The following ZNF365 variants were observed in gnomAD, a reference collection of about 807,000 sequenced individuals.
ZNF365 encodes protein ZNF365.
ZNF365 carries 22 observed loss-of-function variants against 35.0 expected under a neutral mutation model. The observed-to-expected ratio is 0.63, with a 90% CI of 0.45 to 0.90. ZNF365 has a LOEUF of 0.90. Ranked by LOEUF, ZNF365 falls within the 40% of genes least tolerant of loss-of-function variation. The pLI is 0.00. For missense variants in ZNF365, 448 were observed against 500.3 expected, an observed-to-expected ratio of 0.90 and a Z score of 1.00; for synonymous variants, 188 against 196.2, an observed-to-expected ratio of 0.96 and a Z score of 0.35.
At chr10:62,397,067 G>A (rs751069657) in intron 3 of ZNF365, among the ~76,000 whole-genome samples, 5 of 152,342 alleles carry the variant, frequency 3.3e-5, no homozygotes, top group South Asian at 2.1e-4. Context: ...CCAGCCTGGC[G>A]TTTGCCGGAG....
At chr10:62,404,813 C>CACAT (rs1732457597), downstream of ZNF365, among the ~76,000 whole-genome samples, 3 of 152,216 alleles carry the variant, frequency 2.0e-5, no homozygotes, top group Middle Eastern at 6.8e-3. Context: ...AAATGTTGGC[C>CACAT]ACATAAAACT....
At position 62,400,722 on chromosome 10, in the gene ZNF365, G is replaced by C. The variant is rs1328823470; in HGVS notation, c.*933G>C. 4.1e-6 allele frequency: 4 copies of C among 985,582 alleles called. No homozygotes were observed. Among genetic ancestry groups the C allele is most frequent in the Non-Finnish European group, 4.8e-6 (4 of 830,056 alleles). The allele number at this position is 985,582 out of a possible 1,614,324, so 61.1% of individuals were successfully genotyped here. A position where few individuals can be genotyped will look rare whatever the true frequency, so the allele number is the denominator to read the frequency against. On this transcript the variant is annotated 3_prime_UTR_variant, in exon 5 of 5. Coordinates refer to ENST00000395254, the MANE Select transcript of ZNF365 (RefSeq NM_014951.3). ...AAGACCTGCTTCCCGGCCAGTGTCA[G>C]TGGCCCTCTCTCTCTCTGCTATGGG...
intron 3 of ZNF365, among the ~76,000 whole-genome samples, chr10:62,397,999 G>A (rs748394487): frequency 6.6e-6 from 1 of 152,182 alleles, no homozygotes; most frequent in African/African-American, 2.4e-5. Context: ...CACGTGAGCA[G>A]TGTACATTAT....
chr10:62,426,066 T>C (rs955567093), intron 3 of ZNF365, among the ~76,000 whole-genome samples: 2 of 152,142 alleles, frequency 1.3e-5, no homozygotes, highest in African/African-American at 4.8e-5. Flanking sequence ...TTAAAGCCTA[T>C]ACTAGCGGTT....
chr10:62,474,778 C>A (rs1310883796), intron 4 of ZNF365, among the ~76,000 whole-genome samples: 1 of 152,168 alleles, frequency 6.6e-6, no homozygotes, highest in Non-Finnish European at 1.5e-5. Context: ...CGTTTTCTCC[C>A]AAGTTGACAT....
chr10:62,426,430 TC>T (rs1176884658), intron 3 of ZNF365, among the ~76,000 whole-genome samples: 1 of 152,106 alleles, frequency 6.6e-6, no homozygotes, highest in African/African-American at 2.4e-5. Flanking sequence ...ACAGCCCAGT[TC>T]CAGAATCCTA....
At chr10:62,479,852 T>G in intron 4 of ZNF365, 1 of 1,565,376 alleles carries the variant, frequency 6.4e-7, no homozygotes, top group Non-Finnish European at 8.8e-7. Flanking sequence ...CTCTACTAAC[T>G]TTCCTTTTGG....
intron 3 of ZNF365, among the ~76,000 whole-genome samples, chr10:62,417,082 A>G (rs1282321523): frequency 2.0e-5 from 3 of 152,068 alleles, no homozygotes; most frequent in Non-Finnish European, 4.4e-5. Flanking sequence ...AAGAGAAATA[A>G]CCTCAGAAAG....
intron 3 of ZNF365, among the ~76,000 whole-genome samples, chr10:62,423,702 G>T (rs1455451975): frequency 6.6e-6 from 1 of 152,076 alleles, no homozygotes; most frequent in Non-Finnish European, 1.5e-5. Flanking sequence ...ATTTAATGAT[G>T]ATTTTTCCAT....
intron 3 of ZNF365, among the ~76,000 whole-genome samples, chr10:62,423,608 T>C (rs1199428913): frequency 6.6e-6 from 1 of 152,178 alleles, no homozygotes; most frequent in African/African-American, 2.4e-5. Context: ...ACTAGAATTC[T>C]TAGTTCAAAA....
intron 2 of ZNF365, among the ~76,000 whole-genome samples, chr10:62,380,979 G>A (rs549967310): frequency 6.6e-6 from 1 of 152,288 alleles, no homozygotes; most frequent in African/African-American, 2.4e-5. Flanking sequence ...CCAGTGCTGT[G>A]TGAGGTGTGT....
intron 3 of ZNF365, among the ~76,000 whole-genome samples, chr10:62,432,758 C>T (rs1008459506): frequency 5.3e-5 from 8 of 152,068 alleles, no homozygotes; most frequent in Admixed American, 5.2e-4. Context: ...GGCAATTTTG[C>T]AAGAGCCAAT....
chr10:62,431,679 C>A (rs771020535), intron 3 of ZNF365, among the ~76,000 whole-genome samples: 25 of 152,116 alleles, frequency 1.6e-4, no homozygotes, highest in Non-Finnish European at 2.9e-4. Flanking sequence ...ACAAAATAAT[C>A]TTTTGTTGAC....
At position 62,387,849 on chromosome 10, in the gene ZNF365, C is replaced by G. The variant is rs886706952; in HGVS notation, c.744-547C>G. Among the ~76,000 whole-genome samples, 3 of 152,146 alleles carry G rather than the reference C, an allele frequency of 2.0e-5. No homozygotes were observed. In the South Asian group the frequency reaches 6.2e-4, roughly 32 times the overall value. Reference sequence around the variant, plus strand: ...TCCCAATCGCCAGACTTTAAAAATCCAAGTCAGAGCTTGTCTTAAAAGCAA... The same window carrying G: ...TCCCAATCGCCAGACTTTAAAAATCGAAGTCAGAGCTTGTCTTAAAAGCAA... On this transcript the variant is annotated intron_variant, in intron 2 of 4. Coordinates refer to ENST00000395254, the MANE Select transcript of ZNF365 (RefSeq NM_014951.3).
At chr10:62,398,294 G>A (rs1212363400) in intron 3 of ZNF365, among the ~76,000 whole-genome samples, 6 of 152,204 alleles carry the variant, frequency 3.9e-5, no homozygotes, top group Admixed American at 3.9e-4. Flanking sequence ...AATGGTCTTT[G>A]CAGCAACTTG....
chr10:62,418,969 A>G (rs1435017110), intron 3 of ZNF365, among the ~76,000 whole-genome samples: 2 of 152,128 alleles, frequency 1.3e-5, no homozygotes, highest in African/African-American at 4.8e-5. Flanking sequence ...CCTTAAGCAC[A>G]TAGCCAACAA....
At chr10:62,394,288 G>C (rs540171102) in intron 3 of ZNF365, among the ~76,000 whole-genome samples, 2 of 152,224 alleles carry the variant, frequency 1.3e-5, no homozygotes, top group Admixed American at 6.5e-5. Context: ...GTTTGGGTTA[G>C]GGATATTCAG....
exon 5 of ZNF365, chr10:62,480,249 G>T: frequency 9.8e-7 from 1 of 1,016,852 alleles, no homozygotes; most frequent in Non-Finnish European, 1.2e-6. Flanking sequence ...GACATGGCAG[G>T]TACTCAGTTG....
At chr10:62,472,283 T>C (rs1955331) in intron 4 of ZNF365, among the ~76,000 whole-genome samples, 77,869 of 152,070 alleles carry the variant, frequency 0.51, 20,480 homozygotes, top group African/African-American at 0.63. Context: ...AATACTGTGT[T>C]GATGGAATAA....
Sources: allele counts gnomAD v4.1 joint callset (sites outside exome capture counted in the v4.1 genomes callset), GRCh38; gene constraint gnomAD v4.1.1; transcripts MANE v1.5; gene names NCBI Gene and HGNC (gene_info 2026-07-23, HGNC 2026-07-21).